The following CDH23 variants were observed in gnomAD, a reference collection of about 807,000 sequenced individuals.
CDH23 encodes cadherin related 23.
Under a neutral mutation model 317.1 loss-of-function variants are expected in CDH23, and 189 were observed. That is an observed-to-expected ratio of 0.60 (90% CI 0.53 to 0.67). The LOEUF (loss-of-function observed/expected upper bound fraction) is 0.67, where lower values mean the gene tolerates loss of function less well. Among genes scored for constraint, CDH23 ranks in the 30% least tolerant of loss-of-function variants. The pLI is 0.00. For missense variants in CDH23, 4,401 were observed against 4,592.4 expected (o/e 0.96, Z 1.20); for synonymous variants, 1,839 against 1,876.8 (o/e 0.98, Z 0.52).
At chr10:71,658,080 AGGGGCTGGGGT>A in intron 14 of CDH23, among the ~76,000 whole-genome samples, 1 of 152,036 alleles carries the variant, frequency 6.6e-6, no homozygotes, top group Non-Finnish European at 1.5e-5. Context: ...TCTCCCTCAG[AGGGGCTGGGGT>A]GGGAGCTGGA....
At chr10:71,584,930 A>T (rs1417752803) in intron 9 of CDH23, among the ~76,000 whole-genome samples, 1 of 152,190 alleles carries the variant, frequency 6.6e-6, no homozygotes, top group Non-Finnish European at 1.5e-5. Flanking sequence ...GGCAGATCAG[A>T]GAGGGGTGGC....
rs377145705 is a variant in CDH23 at position 71,615,610 on chromosome 10, T to C, written c.939T>C (p.Thr313=). The change falls in exon 10 of 70, where the codon ACT becomes ACC. Residue 313 remains threonine, a synonymous_variant. Transcript: ENST00000224721. ...TGTACAGCCATGGCTTCATCCTGAC[T>C]GTGAAGGTGAGACCTGGGTGGGCAC... ...NPLYSHGFIL[T]VKGTELNDDR... is the part of the protein sequence containing the mutation. The C allele has an allele frequency of 8.7e-6, 14 of 1,613,032 alleles. No homozygotes were observed. Among genetic ancestry groups the C allele is most frequent in the Non-Finnish European group, 1.1e-5 (13 of 1,179,178 alleles).
intron 9 of CDH23, among the ~76,000 whole-genome samples, chr10:71,587,927 G>A (rs1279152868): frequency 6.6e-6 from 1 of 152,266 alleles, no homozygotes; most frequent in Admixed American, 6.5e-5. Flanking sequence ...ATAAGGCGCT[G>A]TCTTAGGCAT....
intron 9 of CDH23, among the ~76,000 whole-genome samples, chr10:71,598,192 G>T (rs1030315946): frequency 6.6e-6 from 1 of 152,228 alleles, no homozygotes; most frequent in African/African-American, 2.4e-5. Context: ...TTTAGTGCTG[G>T]GAGGGAGAGT....
In CDH23 at chr10:71,778,246, C is replaced by T. The variant is rs369100053; in HGVS notation, c.5125C>T (p.Leu1709=). ...CGAGATCAGCCACGGCCGCTACACCCTGATCGTCACTGCCACAGACCAGTG... is the reference window on the plus strand; with the variant it reads ...CGAGATCAGCCACGGCCGCTACACCTTGATCGTCACTGCCACAGACCAGTG... The part of the protein sequence containing the change: ...DYEISHGRYT[L]IVTATDQCPI... Residue 1709 remains leucine, a synonymous_variant, in exon 40 of 70, where the codon CTG becomes TTG. Coordinates refer to ENST00000224721, the MANE Select transcript of CDH23 (RefSeq NM_022124.6). 33 of 1,613,942 alleles carry T rather than the reference C, an allele frequency of 2.0e-5. No individual in the cohort carries two copies. The African/African-American group carries it at 3.7e-4, about 18-fold the overall frequency.
rs148743086 is a variant in CDH23, at chr10:71,809,905, C to T, written c.8808C>T (p.Asp2936=). The T allele has an allele frequency of 4.4e-4, 717 of 1,613,288 alleles. 5 individuals carry two copies. In the African/African-American group the frequency reaches 8.7e-3, roughly 20 times the overall value. Residue 2936 remains aspartate (D), a synonymous_variant, in exon 61 of 70, where the codon GAC becomes GAT. Transcript: ENST00000224721. ...TCGTGGTGGACATTGTGGCCCGAGA[C>T]CTGGCAGGCCACAACGACACGGCCA... The part of the protein sequence containing the change: ...GYFVVDIVAR[D]LAGHNDTAII...
chr10:71,778,101 T>C, intron 39 of CDH23, 88 bp from the exon 40 acceptor site: 6 of 1,560,592 alleles, frequency 3.8e-6, no homozygotes, highest in Non-Finnish European at 5.2e-6. Context: ...ACAGCTCCAA[T>C]GTCAGGGCCT....
At chr10:71,769,129 T>C (rs773352033) in intron 38 of CDH23, among the ~76,000 whole-genome samples, 2 of 152,244 alleles carry the variant, frequency 1.3e-5, no homozygotes, top group Middle Eastern at 3.2e-3. Flanking sequence ...TTAAATAACA[T>C]TGAATCATAT....
intron 14 of CDH23, among the ~76,000 whole-genome samples, chr10:71,655,410 C>T (rs1019148818): frequency 4.6e-5 from 7 of 152,168 alleles, no homozygotes; most frequent in African/African-American, 1.7e-4. Flanking sequence ...CCTCTCCCTC[C>T]TTCCTATTGG....
intron 14 of CDH23, among the ~76,000 whole-genome samples, chr10:71,658,480 C>G (rs139340477): frequency 6.6e-6 from 1 of 152,212 alleles, no homozygotes; most frequent in Non-Finnish European, 1.5e-5. Context: ...GCCTGTCCCG[C>G]CTTTGAAGCA....
At chr10:71,533,707 G>C (rs114301806) in intron 6 of CDH23, among the ~76,000 whole-genome samples, 2,923 of 152,248 alleles carry the variant, frequency 0.019, 92 homozygotes, top group African/African-American at 0.065. Context: ...CACTGGAGAG[G>C]TTGGAGGGCT....
At chr10:71,717,496 C>T (rs1866323226) in intron 28 of CDH23, 1 of 152,286 alleles carries the variant, frequency 6.6e-6, no homozygotes, top group Non-Finnish European at 1.5e-5. Context: ...CACTGAAGAT[C>T]ATCCCATTAG....
intron 3 of CDH23, among the ~76,000 whole-genome samples, chr10:71,457,604 G>C (rs1350081687): frequency 6.6e-6 from 1 of 152,216 alleles, no homozygotes; most frequent in Admixed American, 6.5e-5. Context: ...CCTAAGGAGG[G>C]GAGGTTGGCC....
chr10:71,717,686 G>A lies in CDH23; in HGVS notation c.3369+4873G>A, dbSNP rs572347784. The A allele has an allele frequency of 5.5e-4, 84 of 152,364 alleles. 1 individual carries two copies. The highest frequency in any genetic ancestry group is 1.9e-3 in the African/African-American group (81 of 41,586). The allele number at this position is 152,364 out of a possible 1,614,324, so 9.4% of individuals were successfully genotyped here. A position where few individuals can be genotyped will look rare whatever the true frequency, so the allele number is the denominator to read the frequency against. ...GCTGGGCCCTCTCAAGGAAGTGGAG[G>A]GGCCTCAGCCCAGAATGGTGCTGTC... is the stretch of plus-strand genomic sequence containing the variant. On this transcript the variant is annotated intron_variant, in intron 28 of 69. Coordinates refer to ENST00000224721, the MANE Select transcript of CDH23 (RefSeq NM_022124.6).
At chr10:71,812,326 G>C (rs781591306) in intron 66 of CDH23, 154 bp from the exon 67 acceptor site, 14 of 1,598,880 alleles carry the variant, frequency 8.8e-6, no homozygotes, top group Non-Finnish European at 1.1e-5. Context: ...CCTATGGTGG[G>C]AGCATGCACC....
At chr10:71,399,836 G>A (rs933456007) in intron 1 of CDH23, among the ~76,000 whole-genome samples, 2 of 152,000 alleles carry the variant, frequency 1.3e-5, no homozygotes, top group African/African-American at 4.8e-5. Flanking sequence ...GAGGGGGCAG[G>A]GTTTCCGGAA....
chr10:71,737,702 A>G (rs1449617251), intron 34 of CDH23: 1 of 470,406 alleles, frequency 2.1e-6, no homozygotes, highest in South Asian at 1.5e-5. Context: ...CCCCCCTCAC[A>G]CCCTCATCAG....
rs765969201 is a variant in CDH23, at chr10:71,801,150, C to CTCTTTT, written c.7482+396_7482+397insCTTTTT. ...CATCTTTATTTATGTCTCTCTCTCT[C>CTCTTTT]TTTTTTTTTTTTTTTTTTTTTTGAG... is the stretch of plus-strand genomic sequence containing the variant. On this transcript the variant is annotated intron_variant, in intron 53 of 69. Coordinates refer to ENST00000224721, the MANE Select transcript of CDH23 (RefSeq NM_022124.6). Among the ~76,000 whole-genome samples the CTCTTTT allele has an allele frequency of 5.7e-4, 42 of 73,994 alleles. 1 individual carries two copies. The highest frequency in any genetic ancestry group is 2.7e-3 in the East Asian group (6 of 2,182). The allele number at this position is 73,994 out of a possible 152,430, so 48.5% of individuals were successfully genotyped here.
At chr10:71,529,949 G>C (rs920930396) in intron 6 of CDH23, among the ~76,000 whole-genome samples, 1 of 151,752 alleles carries the variant, frequency 6.6e-6, no homozygotes, top group African/African-American at 2.4e-5. Flanking sequence ...ACCCCAGCCT[G>C]CAGCTTACCC....
Sources: allele counts gnomAD v4.1 joint callset (sites outside exome capture counted in the v4.1 genomes callset), GRCh38; gene constraint gnomAD v4.1.1; transcripts MANE v1.5; gene names NCBI Gene and HGNC (gene_info 2026-07-23, HGNC 2026-07-21).